The following PDE1C variants were observed in gnomAD, a reference collection of about 807,000 sequenced individuals.
The protein encoded by PDE1C is dual specificity calcium/calmodulin-dependent 3',5'-cyclic nucleotide phosphodiesterase 1C.
A neutral mutation model predicts 93.1 loss-of-function variants in PDE1C; 62 were observed. The observed-to-expected ratio is 0.67, with a 90% CI of 0.54 to 0.82. The LOEUF (loss-of-function observed/expected upper bound fraction) is 0.82, where lower values mean the gene tolerates loss of function less well. PDE1C is among the 40% of genes least tolerant of loss of function. The probability of loss-of-function intolerance (pLI) is 0.00; values close to 1 mark genes in which losing one functional copy is unlikely to be tolerated. For synonymous variants in PDE1C, 325 were observed against 310.1 expected, an observed-to-expected ratio of 1.05 and a Z score of -0.50; for missense variants, 742 against 884.6, an observed-to-expected ratio of 0.84 and a Z score of 2.04.
chr7:32,146,769 A>G (rs1800862956), intron 3 of PDE1C, among the ~76,000 whole-genome samples: 1 of 152,200 alleles, frequency 6.6e-6, no homozygotes. Context: ...TCTGAAAGCA[A>G]AATATGAAGC....
At chr7:31,937,698 A>T (rs1019107811) in intron 2 of PDE1C, among the ~76,000 whole-genome samples, 2 of 152,224 alleles carry the variant, frequency 1.3e-5, no homozygotes, top group African/African-American at 4.8e-5. Flanking sequence ...AGTCTGTTCA[A>T]AAGACATCCA....
the PDE1C span, chr7:31,643,177 G>T: frequency 1.9e-6 from 3 of 1,613,834 alleles, no homozygotes; most frequent in Non-Finnish European, 2.5e-6. Context: ...ACCTGGAAAT[G>T]ATCATACTCA....
intron 2 of PDE1C, among the ~76,000 whole-genome samples, chr7:31,988,958 G>T (rs558533671): frequency 4.8e-5 from 6 of 125,324 alleles, no homozygotes; most frequent in Non-Finnish European, 7.8e-5. Flanking sequence ...TTAAACCATT[G>T]CACTCCAGCC....
At chr7:31,985,631 C>G (rs748426502) in intron 2 of PDE1C, among the ~76,000 whole-genome samples, 94 of 150,418 alleles carry the variant, frequency 6.2e-4, no homozygotes, top group Non-Finnish European at 5.0e-4. Context: ...TCTAAGTGTT[C>G]TTATTGTTCA....
At chr7:32,036,086 T>G (rs1349414976) in intron 2 of PDE1C, among the ~76,000 whole-genome samples, 1 of 152,190 alleles carries the variant, frequency 6.6e-6, no homozygotes, top group Non-Finnish European at 1.5e-5. Flanking sequence ...ACCACACTTT[T>G]TCTAAACACA....
intron 3 of PDE1C, among the ~76,000 whole-genome samples, chr7:32,126,222 T>C (rs918842397): frequency 6.6e-6 from 1 of 151,446 alleles, no homozygotes; most frequent in Non-Finnish European, 1.5e-5. Flanking sequence ...GATAGATAGA[T>C]AGATAGATAG....
chr7:32,252,524 A>G (rs564191597), intron 1 of PDE1C, among the ~76,000 whole-genome samples: 5 of 152,356 alleles, frequency 3.3e-5, no homozygotes, highest in African/African-American at 9.6e-5. Context: ...ACAAGCAAGA[A>G]TTAAATCCAC....
In PDE1C at chr7:31,978,469, T is replaced by C. The variant is rs896194570; in HGVS notation, c.128+73085A>G. Among the ~76,000 whole-genome samples the C allele has an allele frequency of 3.3e-5, 5 of 152,324 alleles. No individual in the cohort carries two copies. In the East Asian group the frequency reaches 5.8e-4, roughly 18 times the overall value. On this transcript the variant is annotated intron_variant, in intron 2 of 17. Transcript: ENST00000396191. ...ATGGGAGAAATGTGTGCTTGCTAAG[T>C]AGGCCAGGTTACTCAGAAGTGGGTC... is the stretch of plus-strand genomic sequence containing the variant.
intron 2 of PDE1C, among the ~76,000 whole-genome samples, chr7:32,013,687 C>T (rs1787473259): frequency 6.6e-6 from 1 of 152,204 alleles, no homozygotes. Flanking sequence ...CTGGTATAAG[C>T]ACGCCAGGGC....
At chr7:31,668,456 G>A in the PDE1C span, among the ~76,000 whole-genome samples, 1 of 151,350 alleles carries the variant, frequency 6.6e-6, no homozygotes, top group Non-Finnish European at 1.5e-5. Flanking sequence ...GGATAAACAA[G>A]ATGCAGTCTA....
rs144662744 is a variant in PDE1C, at chr7:32,041,123, C to T, written c.128+10431G>A. Among the ~76,000 whole-genome samples, 685 of 152,272 alleles carry T rather than the reference C, an allele frequency of 4.5e-3. 4 individuals are homozygous for T. The highest frequency in any genetic ancestry group is 0.013 in the African/African-American group (532 of 41,556). Reference sequence around the variant, plus strand: ...AGGACTTTCCACACACCAAAGTCTTCCTATGTGCCTCACATAGACTATTTC... The same window carrying T: ...AGGACTTTCCACACACCAAAGTCTTTCTATGTGCCTCACATAGACTATTTC... On this transcript the variant is annotated intron_variant, in intron 2 of 17. Transcript: ENST00000396191.
intron 2 of PDE1C, among the ~76,000 whole-genome samples, chr7:32,036,027 A>C (rs1281959362): frequency 1.3e-5 from 2 of 152,206 alleles, no homozygotes; most frequent in Non-Finnish European, 2.9e-5. Context: ...AATTCAGCCA[A>C]CATAGCAGTG....
intron 1 of PDE1C, among the ~76,000 whole-genome samples, chr7:32,396,516 G>C (rs1784842705): frequency 8.3e-6 from 1 of 120,112 alleles, no homozygotes; most frequent in Non-Finnish European, 1.8e-5. Context: ...TATGCATATT[G>C]AAGTATGGGG....
chr7:31,921,690 T>C (rs1802640618), intron 2 of PDE1C, among the ~76,000 whole-genome samples: 6 of 152,108 alleles, frequency 3.9e-5, no homozygotes, highest in Admixed American at 3.9e-4. Flanking sequence ...TAAAGCTTGA[T>C]AATAAAAAAA....
the PDE1C span, chr7:31,653,013 A>T: frequency 7.2e-7 from 1 of 1,391,324 alleles, no homozygotes; most frequent in Non-Finnish European, 9.4e-7. Context: ...TCAGTATAGA[A>T]TAACTGAGCA....
chr7:31,947,362 C>G (rs1162513273), intron 2 of PDE1C, among the ~76,000 whole-genome samples: 6 of 152,216 alleles, frequency 3.9e-5, no homozygotes, highest in African/African-American at 1.4e-4. Context: ...GACCAAATGT[C>G]TGGGTACTCT....
At chr7:32,406,109 C>G (rs920226732) in intron 1 of PDE1C, among the ~76,000 whole-genome samples, 1 of 152,084 alleles carries the variant, frequency 6.6e-6, no homozygotes, top group East Asian at 1.9e-4. Flanking sequence ...AGAGAAGGTA[C>G]GTGCCTTACC....
chr7:31,658,441 G>T, the PDE1C span: 1 of 1,414,340 alleles, frequency 7.1e-7, no homozygotes, highest in Non-Finnish European at 9.2e-7. Context: ...TATAACACAT[G>T]TCGAACAAAA....
intron 3 of PDE1C, among the ~76,000 whole-genome samples, chr7:32,104,241 G>A (rs994049978): frequency 2.6e-5 from 4 of 152,230 alleles, no homozygotes; most frequent in Middle Eastern, 3.4e-3. Context: ...ATGAAAGTTC[G>A]GACCAGAACT....
Sources: gnomAD v4.1 joint callset for allele counts (sites outside exome capture counted in the v4.1 genomes callset) on GRCh38, gnomAD v4.1.1 for gene constraint, MANE v1.5 for transcripts, NCBI Gene and HGNC (gene_info 2026-07-23, HGNC 2026-07-21) for gene names.